The following ST18 variants were observed in gnomAD, a reference collection of about 807,000 sequenced individuals.
ST18 encodes the protein ST18 C2H2C-type zinc finger transcription factor.
A neutral mutation model predicts 110.0 loss-of-function variants in ST18; 50 were observed. The observed-to-expected ratio is 0.45, with a 90% CI of 0.36 to 0.58. ST18 has a LOEUF of 0.58. ST18 is among the 20% of genes least tolerant of loss of function. ST18 has a pLI of 0.00. For missense variants in ST18, 1,306 were observed against 1,280.1 expected (o/e 1.02, Z -0.31); for synonymous variants, 461 against 452.4 (o/e 1.02, Z -0.24).
At chr8:52,259,648 T>C (rs1008671240) in intron 2 of ST18, among the ~76,000 whole-genome samples, 4 of 152,196 alleles carry the variant, frequency 2.6e-5, no homozygotes, top group Non-Finnish European at 5.9e-5. Flanking sequence ...CTAGTGCTTA[T>C]ATTATGCCAT....
At chr8:52,326,371 G>A (rs541581307) in intron 2 of ST18, among the ~76,000 whole-genome samples, 1 of 152,272 alleles carries the variant, frequency 6.6e-6, no homozygotes, top group African/African-American at 2.4e-5. Context: ...GGCAACTTTA[G>A]GCGCCACCAT....
At chr8:52,359,739 T>C (rs1044673583) in intron 2 of ST18, among the ~76,000 whole-genome samples, 4 of 152,164 alleles carry the variant, frequency 2.6e-5, no homozygotes, top group African/African-American at 7.2e-5. Context: ...CTATATAATG[T>C]CACAGCTCTG....
chr8:52,160,669 A>G (rs75161321), intron 14 of ST18, among the ~76,000 whole-genome samples: 2,963 of 152,352 alleles, frequency 0.019, 84 homozygotes, highest in African/African-American at 0.057. Context: ...CCTTTTCATT[A>G]GAATGTTTAA....
At chr8:52,270,589 G>A (rs190394235) in intron 2 of ST18, among the ~76,000 whole-genome samples, 1 of 152,240 alleles carries the variant, frequency 6.6e-6, no homozygotes, top group Admixed American at 6.5e-5. Flanking sequence ...TGATGGATAT[G>A]AAATTAGTCT....
intron 2 of ST18, among the ~76,000 whole-genome samples, chr8:52,298,274 G>A (rs186632001): frequency 1.3e-5 from 2 of 152,338 alleles, no homozygotes; most frequent in African/African-American, 4.8e-5. Context: ...CGCAGGAAGA[G>A]GAACTGGGAT....
At chr8:52,156,361 G>C (rs1436475210) in intron 15 of ST18, among the ~76,000 whole-genome samples, 1 of 152,166 alleles carries the variant, frequency 6.6e-6, no homozygotes, top group Admixed American at 6.5e-5. Context: ...ATTTCAAGAC[G>C]CTTATTTCTA....
At chr8:52,323,168 T>G (rs1202724226) in intron 2 of ST18, among the ~76,000 whole-genome samples, 1 of 151,922 alleles carries the variant, frequency 6.6e-6, no homozygotes, top group East Asian at 1.9e-4. Flanking sequence ...GCAACATGTC[T>G]AGAATTATGA....
chr8:52,154,529 G>A (rs1471706767), intron 15 of ST18: 1 of 152,288 alleles, frequency 6.6e-6, no homozygotes, highest in East Asian at 1.9e-4. Context: ...GAAGAAAACG[G>A]GAGTGCATCT....
intron 23 of ST18, among the ~76,000 whole-genome samples, chr8:52,121,579 G>A (rs1331211871): frequency 6.6e-6 from 1 of 152,054 alleles, no homozygotes; most frequent in Non-Finnish European, 1.5e-5. Flanking sequence ...AAAACCATGA[G>A]GTAGAAACAT....
At chr8:52,164,181 TAA>T in intron 12 of ST18, 91 bp from the exon 13 acceptor site, 1 of 1,054,666 alleles carries the variant, frequency 9.5e-7, no homozygotes, top group Non-Finnish European at 1.5e-6. Context: ...TGGCACACAC[TAA>T]ATGTTAAGTC....
chr8:52,234,109 TTTTCCAAAAAAAGCATGTGCAGGCA>T (rs1202415526), intron 2 of ST18, among the ~76,000 whole-genome samples: 1 of 152,158 alleles, frequency 6.6e-6, no homozygotes, highest in African/African-American at 2.4e-5. Flanking sequence ...ATGTTAACTT[TTTTCCAAAAAAAGCATGTGCAGGCA>T]TTTCCAAAAA....
At chr8:52,398,618 T>G (rs1841945185) in intron 2 of ST18, among the ~76,000 whole-genome samples, 1 of 152,180 alleles carries the variant, frequency 6.6e-6, no homozygotes, top group Admixed American at 6.5e-5. Context: ...GTTTTGATCC[T>G]GAAAGATCTG....
In ST18 at chr8:52,133,245, T is replaced by G; in HGVS notation, c.2357A>C (p.His786Pro). 2 of 1,614,128 alleles carry G rather than the reference T, an allele frequency of 1.2e-6. No homozygotes were observed. Among genetic ancestry groups the G allele is most frequent in the Non-Finnish European group, 1.7e-6 (2 of 1,180,030 alleles). ...GAAATAAGATCAATCCTACCTTCTG[T>G]GGGAAGCATAGTTTCCAGTCACGTG... is the stretch of plus-strand genomic sequence containing the variant. ...SGHVTGNYAS[H>P]RSLSGCPRAR... The change falls in exon 20 of 26, where the codon CAC becomes CCC. Residue 786 changes from histidine (H) to proline (P), a missense_variant. Transcript: ENST00000689386.
intron 2 of ST18, among the ~76,000 whole-genome samples, chr8:52,340,259 G>A (rs1359196611): frequency 6.6e-6 from 1 of 152,252 alleles, no homozygotes; most frequent in Non-Finnish European, 1.5e-5. Flanking sequence ...CCTTTATAAA[G>A]CTAAAGCACA....
chr8:52,351,020 G>A (rs553662499), intron 2 of ST18, among the ~76,000 whole-genome samples: 8 of 152,110 alleles, frequency 5.3e-5, no homozygotes, highest in East Asian at 1.9e-4. Flanking sequence ...GTGCCTGGCC[G>A]TCTTTTTTTG....
intron 2 of ST18, among the ~76,000 whole-genome samples, chr8:52,379,390 G>T (rs918062189): frequency 2.6e-5 from 4 of 151,856 alleles, no homozygotes; most frequent in African/African-American, 9.7e-5. Context: ...GAGACACCAC[G>T]CCCAGCCAAT....
chr8:52,388,074 G>T (rs1283547194), intron 2 of ST18, among the ~76,000 whole-genome samples: 2 of 151,432 alleles, frequency 1.3e-5, no homozygotes, highest in East Asian at 3.9e-4. Context: ...TATAGATACA[G>T]TCAGTTTTGC....
intron 5 of ST18, among the ~76,000 whole-genome samples, chr8:52,218,312 G>C (rs1188483243): frequency 6.6e-6 from 1 of 151,686 alleles, no homozygotes; most frequent in Admixed American, 6.6e-5. Context: ...GGCGCTTTCT[G>C]AAAACCCTTA....
intron 2 of ST18, among the ~76,000 whole-genome samples, chr8:52,342,827 A>T (rs956169807): frequency 2.0e-5 from 3 of 152,232 alleles, no homozygotes; most frequent in Admixed American, 6.5e-5. Context: ...ATCCCGAGAC[A>T]AGATATGTTT....
Sources: gnomAD v4.1 joint callset for allele counts (sites outside exome capture counted in the v4.1 genomes callset) on GRCh38, gnomAD v4.1.1 for gene constraint, MANE v1.5 for transcripts, NCBI Gene and HGNC (gene_info 2026-07-23, HGNC 2026-07-21) for gene names.